Variants in DAB1 observed in about 807,000 individuals in gnomAD.
DAB1 encodes the protein DAB adaptor protein 1, also known as disabled homolog 1.
In DAB1, 15 loss-of-function variants were observed where a neutral mutation model predicts 64.6. The observed-to-expected ratio is 0.23, with a 90% CI of 0.16 to 0.36. The LOEUF (loss-of-function observed/expected upper bound fraction) is 0.36, where lower values mean the gene tolerates loss of function less well. Among genes scored for constraint, DAB1 ranks in the 10% least tolerant of loss-of-function variants. The pLI is 1.00. For missense variants in DAB1, 596 were observed against 706.7 expected, an observed-to-expected ratio of 0.84 and a Z score of 1.78; for synonymous variants, 235 against 251.9, an observed-to-expected ratio of 0.93 and a Z score of 0.64.
intron 1 of DAB1, among the ~76,000 whole-genome samples, chr1:57,345,999 T>C (rs912727585): frequency 4.6e-5 from 7 of 152,220 alleles, no homozygotes; most frequent in African/African-American, 1.7e-4. Context: ...ATTATCGTCA[T>C]CATTTAAAAA....
At chr1:57,698,743 A>G (rs1646874891) in intron 6 of DAB1, among the ~76,000 whole-genome samples, 2 of 152,196 alleles carry the variant, frequency 1.3e-5, no homozygotes, top group Admixed American at 6.5e-5. Flanking sequence ...TAGTCTGATC[A>G]TAAACCCATT....
At chr1:57,553,505 G>GAAGGAAGGAAGGAAGA (rs57000232) in intron 7 of DAB1, among the ~76,000 whole-genome samples, 36,318 of 119,962 alleles carry the variant, frequency 0.3, 8,126 homozygotes, top group Non-Finnish European at 0.38. Flanking sequence ...AGGAAGGAAG[G>GAAGGAAGGAAGGAAGA]AAGAGAGAGA....
chr1:58,437,755 G>A (rs191751207), intron 3 of DAB1, among the ~76,000 whole-genome samples: 76 of 152,300 alleles, frequency 5.0e-4, no homozygotes, highest in African/African-American at 1.6e-3. Context: ...TGGGCCTGCC[G>A]CACCCTAACA....
intron 2 of DAB1, among the ~76,000 whole-genome samples, chr1:57,198,680 CACACACACA>C (rs1664844712): frequency 1.3e-5 from 2 of 151,740 alleles, no homozygotes; most frequent in African/African-American, 4.8e-5. Flanking sequence ...CACACACACA[CACACACACA>C]CCCATCAACT....
chr1:57,858,455 T>C (rs775660383), intron 1 of DAB1, among the ~76,000 whole-genome samples: 8 of 152,120 alleles, frequency 5.3e-5, no homozygotes, highest in South Asian at 2.1e-4. Context: ...ATATGTAGTA[T>C]TGTTCTTAGT....
At chr1:58,522,699 G>T (rs545964015) in intron 2 of DAB1, among the ~76,000 whole-genome samples, 20 of 152,216 alleles carry the variant, frequency 1.3e-4, no homozygotes, top group African/African-American at 4.6e-4. Flanking sequence ...TGTTGACCTT[G>T]CCAGTAACAC....
rs869207396 is a variant in DAB1 at position 58,277,037 on chromosome 1, CTTTTTTTTTTTTT to C, written n.309+66302_309+66314del. Among the ~76,000 whole-genome samples the C allele has an allele frequency of 1.9e-4, 15 of 79,696 alleles. 1 individual carries two copies. Among genetic ancestry groups the C allele is most frequent in the African/African-American group, 7.8e-4 (15 of 19,258 alleles). 52.3% of individuals were successfully genotyped at this position (79,696 alleles called of 152,430 possible). On this transcript the variant is annotated intron_variant and non_coding_transcript_variant, in intron 4 of 20. Transcript: ENST00000485760. ...AGAGTGTTGCAGAGACTTTTTTTTT[CTTTTTTTTTTTTT>C]TTTTTTTGAGACAGAGTCTCGCTCT...
intron 1 of DAB1, among the ~76,000 whole-genome samples, chr1:58,529,933 T>G (rs1646408208): frequency 6.6e-6 from 1 of 152,032 alleles, no homozygotes; most frequent in Non-Finnish European, 1.5e-5. Flanking sequence ...CAGGCTGGAG[T>G]GCAGTGGCGC....
At chr1:57,040,046 A>G (rs892269544) in intron 9 of DAB1, among the ~76,000 whole-genome samples, 1 of 152,220 alleles carries the variant, frequency 6.6e-6, no homozygotes. Context: ...ACAAGAAATT[A>G]TACAGTTGGT....
At chr1:58,350,120 T>C (rs928524692) in intron 3 of DAB1, among the ~76,000 whole-genome samples, 1 of 152,148 alleles carries the variant, frequency 6.6e-6, no homozygotes, top group Non-Finnish European at 1.5e-5. Flanking sequence ...CCAGTATCTG[T>C]TTTTTCCTGA....
chr1:57,635,467 T>A (rs1390971388), intron 7 of DAB1, among the ~76,000 whole-genome samples: 1 of 152,024 alleles, frequency 6.6e-6, no homozygotes, highest in Non-Finnish European at 1.5e-5. Context: ...GTGTGAACCC[T>A]CTCATGGGAA....
intron 4 of DAB1, among the ~76,000 whole-genome samples, chr1:58,264,288 AAGAGACCTTAGAGACCATCTATTCTT>A (rs1661112463): frequency 6.6e-6 from 1 of 152,244 alleles, no homozygotes; most frequent in Non-Finnish European, 1.5e-5. Context: ...GTAGGATGTT[AAGAGACCTTAGAGACCATCTATTCTT>A]AGAGACCCCC....
intron 7 of DAB1, among the ~76,000 whole-genome samples, chr1:57,554,741 T>C (rs1483177360): frequency 6.6e-6 from 1 of 152,246 alleles, no homozygotes; most frequent in Non-Finnish European, 1.5e-5. Flanking sequence ...CTTTCAGTCA[T>C]ATGAATTTGG....
intron 4 of DAB1, among the ~76,000 whole-genome samples, chr1:58,227,518 C>G (rs1659554025): frequency 6.6e-6 from 1 of 152,182 alleles, no homozygotes; most frequent in African/African-American, 2.4e-5. Flanking sequence ...GGCTGTGTGT[C>G]CAGCACTCTC....
chr1:58,300,654 A>C, intron 4 of DAB1, among the ~76,000 whole-genome samples: 1 of 81,336 alleles, frequency 1.2e-5, no homozygotes, highest in African/African-American at 5.8e-5. Flanking sequence ...GAGAGGAAGG[A>C]AGGAAGGAAG....
At chr1:58,180,273 T>C (rs1656706926) in intron 4 of DAB1, among the ~76,000 whole-genome samples, 1 of 136,608 alleles carries the variant, frequency 7.3e-6, no homozygotes, top group Non-Finnish European at 1.6e-5. Flanking sequence ...TTTTCTTTTT[T>C]TTCTTTTCTT....
intron 4 of DAB1, among the ~76,000 whole-genome samples, chr1:58,192,893 G>T (rs552769121): frequency 6.6e-6 from 1 of 152,276 alleles, no homozygotes; most frequent in South Asian, 2.1e-4. Context: ...AAGATGAAAA[G>T]ACTTCTGTGG....
At chr1:58,442,382 T>C (rs1645020471) in intron 3 of DAB1, among the ~76,000 whole-genome samples, 1 of 152,184 alleles carries the variant, frequency 6.6e-6, no homozygotes, top group Admixed American at 6.5e-5. Context: ...TTTCTTATTA[T>C]TGTTCAGCTG....
intron 4 of DAB1, among the ~76,000 whole-genome samples, chr1:58,241,847 T>A (rs547054199): frequency 1.3e-5 from 2 of 152,182 alleles, no homozygotes; most frequent in South Asian, 4.1e-4. Context: ...ATGGGGAAGA[T>A]GTTACTTCAT....
Sources: gnomAD v4.1 joint callset for allele counts (sites outside exome capture counted in the v4.1 genomes callset) on GRCh38, gnomAD v4.1.1 for gene constraint, MANE v1.5 for transcripts, NCBI Gene and HGNC (gene_info 2026-07-23, HGNC 2026-07-21) for gene names.